The following OTC variants were observed in gnomAD, a reference collection of about 807,000 sequenced individuals.
OTC encodes ornithine transcarbamylase, mitochondrial.
Under a neutral mutation model 30.3 loss-of-function variants are expected in OTC, and 3 were observed. The ratio of observed to expected loss-of-function variants is 0.10; its 90% CI spans 0.05 to 0.26. OTC has a LOEUF of 0.26. Ranked by LOEUF, OTC falls within the 10% of genes least tolerant of loss-of-function variation. The pLI, the probability that OTC is intolerant of heterozygous loss-of-function variation, is 1.00. For synonymous variants in OTC, 111 were observed against 99.7 expected, an observed-to-expected ratio of 1.11 and a Z score of -0.67; for missense variants, 194 against 260.3, an observed-to-expected ratio of 0.75 and a Z score of 1.75.
At chrX:38,397,874 T>A (rs1323405692) in intron 4 of OTC, among the ~76,000 whole-genome samples, 1 of 111,160 alleles carries the variant, frequency 9.0e-6, no homozygotes, top group East Asian at 2.8e-4. Context: ...AGCTTCTGAT[T>A]TAACCTTCCA....
At chrX:38,366,745 A>G (rs1023336549) in intron 1 of OTC, among the ~76,000 whole-genome samples, 3 of 111,876 alleles carry the variant, frequency 2.7e-5, no homozygotes, top group South Asian at 7.4e-4. Context: ...TTTCAAGCAA[A>G]TAAAAATTCA....
chrX:38,374,708 T>C lies in OTC; in HGVS notation c.298+4831T>C, dbSNP rs1372849009. On this transcript the variant is annotated intron_variant, in intron 3 of 9. Coordinates refer to ENST00000039007, the MANE Select transcript of OTC (RefSeq NM_000531.6). ...ATGACTTATCATCAAAGAAAGAGTG[T>C]GACTTGGAATAGACCTACCAGGAGG... Among the ~76,000 whole-genome samples, 4 of 111,664 alleles carry C rather than the reference T, an allele frequency of 3.6e-5. No homozygotes were observed. The East Asian group carries it at 1.1e-3, about 32-fold the overall frequency.
rs188050956 is a variant in OTC, at chrX:38,399,552, C to G, written c.387-1723C>G. ...TCACCTGAGGTCAGGAGTTTGAGAC[C>G]AGCCTGGCCAACATGACAAAACCCT... On this transcript the variant is annotated intron_variant, in intron 4 of 9. Coordinates refer to ENST00000039007, the MANE Select transcript of OTC (RefSeq NM_000531.6). Among the ~76,000 whole-genome samples the G allele has an allele frequency of 9.9e-3, 1,091 of 110,491 alleles. 25 individuals carry two copies. The highest frequency in any genetic ancestry group is 0.058 in the Admixed American group (598 of 10,328).
intron 1 of OTC, among the ~76,000 whole-genome samples, chrX:38,366,580 G>T (rs2068297303): frequency 9.0e-6 from 1 of 111,672 alleles, no homozygotes; most frequent in Non-Finnish European, 1.9e-5. Flanking sequence ...TCCAGACAAT[G>T]TCTGCTTTAC....
chrX:38,345,405 A>G, the OTC span, among the ~76,000 whole-genome samples: 3 of 110,990 alleles, frequency 2.7e-5, no homozygotes, highest in East Asian at 8.5e-4. Context: ...TAGCCACAAG[A>G]TCAGATGAGC....
intron 9 of OTC, among the ~76,000 whole-genome samples, chrX:38,417,571 A>C (rs184867095): frequency 9.0e-6 from 1 of 111,661 alleles, no homozygotes; most frequent in Non-Finnish European, 1.9e-5. Context: ...TTACCATCTC[A>C]TACAGTAGGA....
chrX:38,331,707 C>T, the OTC span, among the ~76,000 whole-genome samples: 1 of 109,602 alleles, frequency 9.1e-6, no homozygotes, highest in East Asian at 2.9e-4. Context: ...CTCAGCCTCC[C>T]GAATAGCTGG....
chrX:38,388,105 C>G (rs1174525148), intron 4 of OTC, among the ~76,000 whole-genome samples: 1 of 111,737 alleles, frequency 8.9e-6, no homozygotes, highest in Non-Finnish European at 1.9e-5. Context: ...GCTCTCATCT[C>G]TCTTCTGAAT....
the OTC span, among the ~76,000 whole-genome samples, chrX:38,336,059 T>C: frequency 9.0e-6 from 1 of 111,282 alleles, no homozygotes; most frequent in Non-Finnish European, 1.9e-5. Context: ...GTTAGGATAA[T>C]TTGAGAAGGA....
intron 2 of OTC, among the ~76,000 whole-genome samples, chrX:38,367,691 A>G (rs1283857197): frequency 9.1e-6 from 1 of 109,302 alleles, no homozygotes; most frequent in East Asian, 2.8e-4. Flanking sequence ...AACCTAAGAA[A>G]TCATTTGTCT....
chrX:38,333,497 GC>G, the OTC span, among the ~76,000 whole-genome samples: 3 of 110,565 alleles, frequency 2.7e-5, no homozygotes, highest in Non-Finnish European at 3.8e-5. Flanking sequence ...TTTCGGTGTC[GC>G]CTTCATACAC....
chrX:38,381,656 A>C (rs2068377686), intron 4 of OTC, among the ~76,000 whole-genome samples: 1 of 111,873 alleles, frequency 8.9e-6, no homozygotes, highest in African/African-American at 3.2e-5. Context: ...CTGATCATAA[A>C]ATTTCAAACT....
chrX:38,353,767 G>C (rs1360264617), intron 1 of OTC, among the ~76,000 whole-genome samples: 1 of 111,424 alleles, frequency 9.0e-6, no homozygotes. Context: ...CATAATATTA[G>C]ACCTAGTTGA....
At chrX:38,381,133 A>G (rs1357606158) in intron 3 of OTC, among the ~76,000 whole-genome samples, 1 of 112,374 alleles carries the variant, frequency 8.9e-6, no homozygotes, top group Non-Finnish European at 1.9e-5. Context: ...ATGGGCACAC[A>G]TGTGAAGGAG....
intron 9 of OTC, among the ~76,000 whole-genome samples, chrX:38,416,620 A>G: frequency 8.9e-6 from 1 of 112,415 alleles, no homozygotes; most frequent in Non-Finnish European, 1.9e-5. Flanking sequence ...GTTGCCAGAT[A>G]AAATAGAGGA....
At chrX:38,363,449 G>A (rs2068281486) in intron 1 of OTC, among the ~76,000 whole-genome samples, 1 of 111,439 alleles carries the variant, frequency 9.0e-6, no homozygotes, top group African/African-American at 3.3e-5. Flanking sequence ...AAGCTGCCGT[G>A]CCTTCATTTC....
At position 38,352,757 on chromosome X, in the gene OTC, A is replaced by G. The variant is rs755909408; in HGVS notation, c.61A>G (p.Met21Val). Reference protein sequence around the residue: ...NAAFRNGHNFMVRNFRCGQPL... With the variant: ...NAAFRNGHNFVVRNFRCGQPL... ...AGCTTTTAGAAATGGTCACAACTTC[A>G]TGGTTCGAAATTTTCGGTAAGTGAT... Residue 21 changes from methionine (M) to valine (V), a missense_variant, in exon 1 of 10, where the codon ATG becomes GTG. Transcript: ENST00000039007. 3 of 1,201,702 alleles carry G rather than the reference A, an allele frequency of 2.5e-6. No homozygotes were observed. The South Asian group carries it at 5.3e-5, about 21-fold the overall frequency.
chrX:38,379,938 A>C (rs1482849322), intron 3 of OTC, among the ~76,000 whole-genome samples: 1 of 112,368 alleles, frequency 8.9e-6, no homozygotes, highest in Non-Finnish European at 1.9e-5. Context: ...AAAGATTAGC[A>C]TAATGAGCAT....
intron 9 of OTC, among the ~76,000 whole-genome samples, chrX:38,417,150 T>C (rs928908413): frequency 8.9e-6 from 1 of 112,153 alleles, no homozygotes; most frequent in African/African-American, 3.2e-5. Context: ...TGAAAACTTC[T>C]TTATGAAGGC....
Sources: gnomAD v4.1 joint callset for allele counts (sites outside exome capture counted in the v4.1 genomes callset) on GRCh38, gnomAD v4.1.1 for gene constraint, MANE v1.5 for transcripts, NCBI Gene and HGNC (gene_info 2026-07-23, HGNC 2026-07-21) for gene names.